Variants in PLA2G15 observed in about 807,000 individuals in gnomAD.
PLA2G15 encodes the protein lysosomal phospholipase A and acyltransferase.
A neutral mutation model predicts 40.9 loss-of-function variants in PLA2G15; 20 were observed. The ratio of observed to expected loss-of-function variants is 0.49; its 90% CI spans 0.34 to 0.71. The LOEUF (loss-of-function observed/expected upper bound fraction) is 0.71. PLA2G15 is among the 30% of genes least tolerant of loss of function. PLA2G15 has a pLI of 0.01. For missense variants in PLA2G15, 471 were observed against 541.9 expected, an observed-to-expected ratio of 0.87 and a Z score of 1.30; for synonymous variants, 223 against 228.2, an observed-to-expected ratio of 0.98 and a Z score of 0.21.
chr16:68,255,610 TCCTC>T lies in PLA2G15; in HGVS notation c.503-152_503-149del, dbSNP rs1239147907. On this transcript the variant is annotated intron_variant, in intron 4 of 5. Transcript: ENST00000219345. The surrounding 1 kb of genome is among the most constrained non-coding windows in gnomAD (Gnocchi z 5.9). ...GAGCCCTGGGGAGAAATATAAGGCT[TCCTC>T]CCTTCATGGAAGGCGGGGGGACCCA... The T allele has an allele frequency of 1.5e-6, 1 of 670,550 alleles. No individual in the cohort carries two copies. Among genetic ancestry groups the T allele is most frequent in the East Asian group, 2.7e-5 (1 of 36,886 alleles). The allele number at this position is 670,550 out of a possible 1,614,324, so 41.5% of individuals were successfully genotyped here. A position where few individuals can be genotyped will look rare whatever the true frequency, so the allele number is the denominator to read the frequency against.
chr16:68,259,305 G>T lies in PLA2G15; in HGVS notation c.887G>T (p.Arg296Leu), dbSNP rs138261353. The T allele has an allele frequency of 1.9e-6, 3 of 1,613,948 alleles. No individual in the cohort carries two copies. The highest frequency in any genetic ancestry group is 2.7e-5 in the African/African-American group (2 of 74,942). Residue 296 changes from arginine (R) to leucine (L), a missense_variant, in exon 6 of 6, where the codon CGC (arginine) becomes CTC (leucine). Transcript: ENST00000219345. The surrounding 1 kb of genome is among the most constrained non-coding windows in gnomAD (Gnocchi z 6.5). ...ATCAACTACACACTGCGGGACTACC[G>T]CAAGTTCTTCCAGGACATCGGCTTT... ...PTINYTLRDY[R>L]KFFQDIGFED... is the part of the protein sequence containing the mutation.
At position 68,249,415 on chromosome 16, in the gene PLA2G15, G is replaced by A. The variant is rs1411867476; in HGVS notation, c.253G>A (p.Val85Ile). 3 of 1,614,076 alleles carry A rather than the reference G, an allele frequency of 1.9e-6. No individual in the cohort carries two copies. Among genetic ancestry groups the A allele is most frequent in the Non-Finnish European group, 2.5e-6 (3 of 1,180,034 alleles). ...IWLNLELLLP[V>I]IIDCWIDNIR... ...GCTGAACCTGGAACTGCTGCTGCCT[G>A]TCATCATTGACTGCTGGATTGACAA... The change falls in exon 2 of 6, where the codon GTC becomes ATC. Residue 85 changes from valine to isoleucine, a missense_variant. By Grantham distance (29) the Val-to-Ile change is conservative (BLOSUM62 3). Transcript: ENST00000219345.
intron 2 of PLA2G15, among the ~76,000 whole-genome samples, chr16:68,251,363 G>A (rs1194990131): frequency 6.6e-6 from 1 of 152,186 alleles, no homozygotes; most frequent in African/African-American, 2.4e-5. Flanking sequence ...ATAAATGTTT[G>A]AGCTGAATGG....
intron 2 of PLA2G15, 44 bp downstream of exon 2, chr16:68,249,490 T>C (rs1414275256): frequency 1.9e-6 from 3 of 1,575,734 alleles, no homozygotes; most frequent in Non-Finnish European, 2.6e-6. Context: ...TCACCAACAG[T>C]GCCTGAGAGG....
At chr16:68,254,105 C>T (rs1396140966) in intron 2 of PLA2G15, among the ~76,000 whole-genome samples, 1 of 152,066 alleles carries the variant, frequency 6.6e-6, no homozygotes, top group Admixed American at 6.6e-5. Context: ...GGGTAGACTG[C>T]CTCTTGGGGT....
Position 68,259,614 on chromosome 16 carries a change from C to G in PLA2G15, c.1196C>G (p.Ala399Gly). The change falls in exon 6 of 6, where the codon GCC becomes GGC. Residue 399 changes from alanine (A) to glycine (G), a missense_variant. Coordinates refer to ENST00000219345, the MANE Select transcript of PLA2G15 (RefSeq NM_012320.4). This position sits in a 1 kb window ranked among gnomAD's most constrained non-coding sequence, Gnocchi z 6.5. ...GAGCACATCGAGATGCTGGCCAACG[C>G]CACCACCCTGGCCTATCTGAAACGT... Reference protein sequence around the residue: ...GSEHIEMLANATTLAYLKRVL... With the variant: ...GSEHIEMLANGTTLAYLKRVL... 1 of 1,613,344 alleles carries G rather than the reference C, an allele frequency of 6.2e-7. No homozygotes were observed. The highest frequency in any genetic ancestry group is 1.1e-5 in the South Asian group (1 of 91,084).
intron 2 of PLA2G15, among the ~76,000 whole-genome samples, chr16:68,250,065 C>T (rs1322262237): frequency 6.6e-6 from 1 of 151,840 alleles, no homozygotes; most frequent in African/African-American, 2.4e-5. Flanking sequence ...GCCTCCCCTA[C>T]CTCTCCAGCT....
At chr16:68,250,612 G>A (rs1596944400) in intron 2 of PLA2G15, among the ~76,000 whole-genome samples, 2 of 152,246 alleles carry the variant, frequency 1.3e-5, no homozygotes, top group East Asian at 3.9e-4. Flanking sequence ...AGGCATGGTG[G>A]CTCTGCTATA....
In PLA2G15 at chr16:68,245,528, C is replaced by T. The variant is rs1471328715; in HGVS notation, c.102C>T (p.Ala34=). 1.9e-6 allele frequency: 3 copies of T among 1,590,770 alleles called. No homozygotes were observed. The highest frequency in any genetic ancestry group is 2.3e-5 in the East Asian group (1 of 43,640). The change falls in exon 1 of 6, where the codon GCC becomes GCT. Residue 34 remains alanine, a synonymous_variant. Coordinates refer to ENST00000219345, the MANE Select transcript of PLA2G15 (RefSeq NM_012320.4). ...TGCTCGCGGACCCAGCGCTCCCGGCCGGACGTCACCCCCCAGTGGTGCTGG... is the reference window on the plus strand; with the variant it reads ...TGCTCGCGGACCCAGCGCTCCCGGCTGGACGTCACCCCCCAGTGGTGCTGG... ...LMLLADPALP[A]GRHPPVVLVP...
chr16:68,258,240 G>A (rs189038509), intron 5 of PLA2G15, among the ~76,000 whole-genome samples: 2 of 152,338 alleles, frequency 1.3e-5, no homozygotes, highest in Admixed American at 1.3e-4. Context: ...CCAGGTCAGC[G>A]CACATGCAAG....
At chr16:68,256,756 C>A (rs766781468) in intron 5 of PLA2G15, among the ~76,000 whole-genome samples, 1 of 152,158 alleles carries the variant, frequency 6.6e-6, no homozygotes, top group African/African-American at 2.4e-5. Flanking sequence ...ATGTTCCACT[C>A]GCTTCGGCCT....
rs2042336269 is a variant in PLA2G15, at chr16:68,249,464, C to T, written c.284+18C>T. 6.2e-7 allele frequency: 1 copy of T among 1,612,328 alleles called. No individual in the cohort carries two copies. Among genetic ancestry groups the T allele is most frequent in the African/African-American group, 1.3e-5 (1 of 74,904 alleles). ...AATATCAGGTGGGGGCTGGGGCACACAGAGGGGGGTGCTGCTCACCAACAG... is the reference window on the plus strand; with the variant it reads ...AATATCAGGTGGGGGCTGGGGCACATAGAGGGGGGTGCTGCTCACCAACAG... On this transcript the variant is annotated intron_variant, in intron 2 of 5. Coordinates refer to ENST00000219345, the MANE Select transcript of PLA2G15 (RefSeq NM_012320.4).
chr16:68,259,964 T>C lies in PLA2G15; in HGVS notation c.*307T>C. The stretch of plus-strand genomic sequence containing the variant: ...CTGGGCCCTGGTCCCAGTCCCTGCC[T>C]GGGGCCATGTGTCCCCCCTATTCCT... On this transcript the variant is annotated 3_prime_UTR_variant, in exon 6 of 6. Coordinates refer to ENST00000219345, the MANE Select transcript of PLA2G15 (RefSeq NM_012320.4). This position sits in a 1 kb window ranked among gnomAD's most constrained non-coding sequence, Gnocchi z 6.5. The C allele has an allele frequency of 2.3e-6, 1 of 425,976 alleles. No individual in the cohort carries two copies. Among genetic ancestry groups the C allele is most frequent in the Non-Finnish European group, 4.3e-6 (1 of 233,156 alleles). The allele number at this position is 425,976 out of a possible 1,614,324, so 26.4% of individuals were successfully genotyped here. A position where few individuals can be genotyped will look rare whatever the true frequency, so the allele number is the denominator to read the frequency against.
Position 68,249,472 on chromosome 16 carries a change from G to T in PLA2G15, c.284+26G>T, listed in dbSNP as rs140565334. 2,191 of 1,610,952 alleles carry T rather than the reference G, an allele frequency of 1.4e-3. 27 individuals carry two copies. In the African/African-American group the frequency reaches 0.026, roughly 19 times the overall value. On this transcript the variant is annotated intron_variant, in intron 2 of 5. Transcript: ENST00000219345. Reference sequence around the variant, plus strand: ...GTGGGGGCTGGGGCACACAGAGGGGGGTGCTGCTCACCAACAGTGCCTGAG... The same window carrying T: ...GTGGGGGCTGGGGCACACAGAGGGGTGTGCTGCTCACCAACAGTGCCTGAG...
chr16:68,259,093 C>T lies in PLA2G15; in HGVS notation c.728-53C>T, dbSNP rs2042422924. On this transcript the variant is annotated intron_variant, in intron 5 of 5. Transcript: ENST00000219345. This position sits in a 1 kb window ranked among gnomAD's most constrained non-coding sequence, Gnocchi z 6.5. ...CAGGGGCCTGGTGGTGAACATGCTG[C>T]CCAACCAGCTGGCATTCCTAAGCAC... is the stretch of plus-strand genomic sequence containing the variant. The T allele has an allele frequency of 4.6e-6, 7 of 1,530,904 alleles. No homozygotes were observed. Among genetic ancestry groups the T allele is most frequent in the Non-Finnish European group, 5.3e-6 (6 of 1,131,102 alleles). 94.8% of individuals were successfully genotyped at this position (1,530,904 alleles called of 1,614,324 possible).
chr16:68,258,774 C>T (rs2042420196), intron 5 of PLA2G15: 1 of 207,040 alleles, frequency 4.8e-6, no homozygotes, highest in Admixed American at 5.3e-5. Context: ...CAGAATGAGA[C>T]CCTACTTCAA....
At chr16:68,247,173 G>A (rs1315152133) in intron 1 of PLA2G15, among the ~76,000 whole-genome samples, 3 of 152,164 alleles carry the variant, frequency 2.0e-5, no homozygotes, top group African/African-American at 4.8e-5. Flanking sequence ...ACGGTGGGCA[G>A]TTGGATAAGC....
chr16:68,254,111 G>C (rs947360857), intron 2 of PLA2G15, among the ~76,000 whole-genome samples: 2 of 152,026 alleles, frequency 1.3e-5, no homozygotes, highest in African/African-American at 2.4e-5. Flanking sequence ...ACTGCCTCTT[G>C]GGGTCCAGTG....
Position 68,259,810 on chromosome 16 carries a change from G to A in PLA2G15, c.*153G>A, listed in dbSNP as rs145692125. On this transcript the variant is annotated 3_prime_UTR_variant, in exon 6 of 6. Transcript: ENST00000219345. The surrounding 1 kb of genome is among the most constrained non-coding windows in gnomAD (Gnocchi z 6.5). ...CATCTGCCATGGGGAAGTGCTGTTTGTTATCCTTTCTCTGTGGCAGTGAAG... is the reference window on the plus strand; with the variant it reads ...CATCTGCCATGGGGAAGTGCTGTTTATTATCCTTTCTCTGTGGCAGTGAAG... The A allele has an allele frequency of 2.9e-4, 195 of 669,438 alleles. 1 individual carries two copies. Among genetic ancestry groups the A allele is most frequent in the Non-Finnish European group, 2.8e-5 (11 of 397,836 alleles). 41.5% of individuals were successfully genotyped at this position (669,438 alleles called of 1,614,324 possible).
Sources: allele counts gnomAD v4.1 joint callset (sites outside exome capture counted in the v4.1 genomes callset), GRCh38; gene constraint gnomAD v4.1.1; non-coding constraint Gnocchi (gnomAD v3.1); transcripts MANE v1.5; gene names NCBI Gene and HGNC (gene_info 2026-07-23, HGNC 2026-07-21).